DAB1: variants seen among roughly 807,000 people sequenced by gnomAD.
DAB1 encodes the protein DAB adaptor protein 1, also known as disabled homolog 1.
In DAB1, 15 loss-of-function variants were observed where a neutral mutation model predicts 64.6. That is an observed-to-expected ratio of 0.23 (90% CI 0.16 to 0.36). The LOEUF is 0.36. Among genes scored for constraint, DAB1 ranks in the 10% least tolerant of loss-of-function variants. The pLI is 1.00. For synonymous variants in DAB1, 235 were observed against 251.9 expected (o/e 0.93, Z 0.64); for missense variants, 596 against 706.7 (o/e 0.84, Z 1.78).
intron 4 of DAB1, among the ~76,000 whole-genome samples, chr1:58,304,172 C>G (rs897934300): frequency 1.3e-5 from 2 of 152,082 alleles, no homozygotes; most frequent in East Asian, 3.9e-4. Context: ...GATACTCAGG[C>G]ACTGTTTAGA....
At chr1:57,008,202 G>C (rs1366407084) in intron 14 of DAB1, among the ~76,000 whole-genome samples, 1 of 152,178 alleles carries the variant, frequency 6.6e-6, no homozygotes, top group East Asian at 1.9e-4. Flanking sequence ...CCAAACCAGG[G>C]CCATTCTGAT....
At chr1:57,111,355 C>T (rs1003937127) in intron 4 of DAB1, among the ~76,000 whole-genome samples, 1 of 152,180 alleles carries the variant, frequency 6.6e-6, no homozygotes, top group Non-Finnish European at 1.5e-5. Flanking sequence ...CTATGTACTA[C>T]TGTTCAGACA....
chr1:57,197,829 T>G (rs1289076841), intron 2 of DAB1, among the ~76,000 whole-genome samples: 2 of 152,242 alleles, frequency 1.3e-5, no homozygotes, highest in Admixed American at 6.5e-5. Context: ...AGTCAGTTAT[T>G]TTTAAAACCC....
chr1:57,033,638 A>G, intron 9 of DAB1: 5 of 1,465,796 alleles, frequency 3.4e-6, no homozygotes, highest in Middle Eastern at 1.8e-4. Context: ...TGGATTTATG[A>G]GTTTAATGAT....
intron 1 of DAB1, among the ~76,000 whole-genome samples, chr1:57,829,599 C>T (rs1319552004): frequency 6.6e-6 from 1 of 152,192 alleles, no homozygotes; most frequent in Non-Finnish European, 1.5e-5. Context: ...TTGAGAGCTT[C>T]TTGCCAGGTG....
chr1:58,267,405 C>T (rs1661196585), intron 4 of DAB1, among the ~76,000 whole-genome samples: 1 of 152,182 alleles, frequency 6.6e-6, no homozygotes, highest in Admixed American at 6.6e-5. Context: ...ACATTCTCCC[C>T]TACTTCCATT....
At chr1:58,252,836 G>A (rs114840821) in intron 4 of DAB1, among the ~76,000 whole-genome samples, 2,091 of 152,230 alleles carry the variant, frequency 0.014, 29 homozygotes, top group Middle Eastern at 0.058. Flanking sequence ...CCAGGGCCCC[G>A]AAGCACTTAT....
At chr1:57,781,122 CTCTCTATATATA>C (rs1193121751) in intron 6 of DAB1, among the ~76,000 whole-genome samples, 19 of 43,882 alleles carry the variant, frequency 4.3e-4, no homozygotes, top group South Asian at 1.9e-3. Context: ...CTCTCTCTCT[CTCTCTATATATA>C]TATATATATA....
At chr1:58,114,247 G>C (rs1304518777) in intron 5 of DAB1, among the ~76,000 whole-genome samples, 1 of 152,098 alleles carries the variant, frequency 6.6e-6, no homozygotes, top group Non-Finnish European at 1.5e-5. Context: ...GGGCAACAGA[G>C]AGAGACTCCA....
At chr1:57,201,732 T>C (rs1665115307) in intron 2 of DAB1, among the ~76,000 whole-genome samples, 1 of 152,178 alleles carries the variant, frequency 6.6e-6, no homozygotes, top group Admixed American at 6.5e-5. Context: ...TTAATTATTT[T>C]AATAATCATT....
intron 5 of DAB1, chr1:58,049,084 C>A: frequency 6.3e-6 from 5 of 794,614 alleles, no homozygotes; most frequent in Non-Finnish European, 1.1e-5. Flanking sequence ...TTTGTGGCTG[C>A]ATCCACCTCC....
At chr1:57,720,739 C>A (rs943558450) in intron 6 of DAB1, among the ~76,000 whole-genome samples, 3 of 152,060 alleles carry the variant, frequency 2.0e-5, no homozygotes, top group African/African-American at 7.2e-5. Context: ...TTCTTGTCAT[C>A]CTCCTTCTTT....
At chr1:57,413,760 A>AAAT (rs1434047961) in intron 1 of DAB1, among the ~76,000 whole-genome samples, 13 of 151,328 alleles carry the variant, frequency 8.6e-5, no homozygotes, top group African/African-American at 2.9e-4. Flanking sequence ...AAAAAAAAAA[A>AAAT]AAAAAAAATT....
chr1:58,056,740 C>T (rs569755707), intron 5 of DAB1, among the ~76,000 whole-genome samples: 7 of 152,266 alleles, frequency 4.6e-5, no homozygotes, highest in South Asian at 2.1e-4. Context: ...TTGAGGTAAG[C>T]CAACAGGTTC....
chr1:58,183,309 G>C (rs1656896213), intron 4 of DAB1, among the ~76,000 whole-genome samples: 1 of 151,962 alleles, frequency 6.6e-6, no homozygotes, highest in African/African-American at 2.4e-5. Context: ...AAGTTTATGA[G>C]GTCTCATATT....
chr1:58,505,568 T>C (rs572929849), intron 3 of DAB1, among the ~76,000 whole-genome samples: 1 of 152,270 alleles, frequency 6.6e-6, no homozygotes, highest in African/African-American at 2.4e-5. Context: ...TTCACTCTTA[T>C]CTTCATAAAG....
At chr1:57,000,190 CCCA>C (rs1645801804) in intron 14 of DAB1, among the ~76,000 whole-genome samples, 1 of 151,990 alleles carries the variant, frequency 6.6e-6, no homozygotes, top group South Asian at 2.1e-4. Flanking sequence ...ACTACAGGTG[CCCA>C]CCACCACGCC....
intron 5 of DAB1, among the ~76,000 whole-genome samples, chr1:57,915,902 G>A (rs1644720400): frequency 2.6e-5 from 4 of 152,086 alleles, no homozygotes; most frequent in Admixed American, 2.6e-4. Flanking sequence ...ACAGCATGAT[G>A]GTACTCTGTT....
intron 7 of DAB1, among the ~76,000 whole-genome samples, chr1:57,521,936 C>T (rs965657319): frequency 6.6e-6 from 1 of 152,038 alleles, no homozygotes; most frequent in African/African-American, 2.4e-5. Context: ...ATGGCGAAAC[C>T]CCGTCTCTAG....
Sources: allele counts gnomAD v4.1 joint callset (sites outside exome capture counted in the v4.1 genomes callset), GRCh38; gene constraint gnomAD v4.1.1; transcripts MANE v1.5; gene names NCBI Gene and HGNC (gene_info 2026-07-23, HGNC 2026-07-21).